The following ARID1B variants were observed in gnomAD, a reference collection of about 807,000 sequenced individuals.
The protein encoded by ARID1B is AT-rich interactive domain-containing protein 1B.
A neutral mutation model predicts 212.3 loss-of-function variants in ARID1B; 30 were observed. That is an observed-to-expected ratio of 0.14 (90% CI 0.11 to 0.19). The LOEUF (loss-of-function observed/expected upper bound fraction) is 0.19. Among genes scored for constraint, ARID1B ranks in the 10% least tolerant of loss-of-function variants. The pLI, the probability that ARID1B is intolerant of heterozygous loss-of-function variation, is 1.00. For synonymous variants in ARID1B, 1,402 were observed against 1,301.7 expected (o/e 1.08, Z -1.66); for missense variants, 2,891 against 3,204.0 (o/e 0.90, Z 2.36).
At chr6:156,985,298 A>G (rs1777854473) in intron 4 of ARID1B, 2 of 152,236 alleles carry the variant, frequency 1.3e-5, no homozygotes, top group African/African-American at 4.8e-5. Context: ...ATGTGATAAT[A>G]TCCGCTGCAT....
chr6:156,967,518 A>G (rs1160625322), intron 4 of ARID1B, among the ~76,000 whole-genome samples: 1 of 151,820 alleles, frequency 6.6e-6, no homozygotes, highest in Non-Finnish European at 1.5e-5. Context: ...GAGTGAGAGA[A>G]GAGGAGGAGG....
intron 4 of ARID1B, among the ~76,000 whole-genome samples, chr6:157,001,978 G>C (rs1423529910): frequency 1.3e-5 from 2 of 152,242 alleles, no homozygotes; most frequent in Admixed American, 1.3e-4. Context: ...AAGGCGTGCA[G>C]TGAATGAAAA....
chr6:157,066,119 A>G (rs1783662293), intron 4 of ARID1B, among the ~76,000 whole-genome samples: 1 of 152,200 alleles, frequency 6.6e-6, no homozygotes, highest in South Asian at 2.1e-4. Context: ...AAACAATCTT[A>G]TTTCTTCACA....
At chr6:156,811,654 G>A (rs1023237919) in intron 1 of ARID1B, among the ~76,000 whole-genome samples, 2 of 152,224 alleles carry the variant, frequency 1.3e-5, no homozygotes, top group African/African-American at 4.8e-5. Context: ...TGTACCAGAA[G>A]CCTGGTCTCT....
intron 5 of ARID1B, among the ~76,000 whole-genome samples, chr6:157,090,902 C>T (rs948369151): frequency 2.0e-5 from 3 of 152,302 alleles, no homozygotes; most frequent in Admixed American, 1.3e-4. Flanking sequence ...CAGCCAGCTG[C>T]GCTTCACCCT....
At chr6:156,865,940 T>G (rs1482472087) in intron 2 of ARID1B, among the ~76,000 whole-genome samples, 1 of 152,220 alleles carries the variant, frequency 6.6e-6, no homozygotes, top group Non-Finnish European at 1.5e-5. Flanking sequence ...TTGCATAGTT[T>G]CCTTGTCGTC....
chr6:157,038,338 A>G (rs561069510), intron 4 of ARID1B, among the ~76,000 whole-genome samples: 4 of 152,070 alleles, frequency 2.6e-5, no homozygotes, highest in Non-Finnish European at 5.9e-5. Flanking sequence ...AAGTTGGATT[A>G]TTTATATATA....
At chr6:156,939,249 A>G (rs1792486841) in intron 4 of ARID1B, 1 of 152,226 alleles carries the variant, frequency 6.6e-6, no homozygotes, top group Non-Finnish European at 1.5e-5. Context: ...CCTAGCATTT[A>G]AGCTAAAGAC....
intron 1 of ARID1B, among the ~76,000 whole-genome samples, chr6:156,813,110 T>G (rs201179369): frequency 3.4e-5 from 2 of 58,970 alleles, no homozygotes; most frequent in South Asian, 1.4e-3. Context: ...ATATATATAT[T>G]TTTTTTTTTT....
intron 4 of ARID1B, among the ~76,000 whole-genome samples, chr6:157,047,242 T>TGCTC (rs1231256087): frequency 6.6e-6 from 1 of 152,240 alleles, no homozygotes; most frequent in African/African-American, 2.4e-5. Flanking sequence ...CTCTGTGAGG[T>TGCTC]ATTAGGTGAT....
At chr6:157,153,840 A>G (rs780493269) in intron 8 of ARID1B, among the ~76,000 whole-genome samples, 1 of 152,146 alleles carries the variant, frequency 6.6e-6, no homozygotes, top group Non-Finnish European at 1.5e-5. Flanking sequence ...GAGTCTCACT[A>G]TGTTGCCCAG....
At chr6:156,993,719 AC>A (rs1175177005) in intron 4 of ARID1B, among the ~76,000 whole-genome samples, 1 of 152,208 alleles carries the variant, frequency 6.6e-6, no homozygotes, top group African/African-American at 2.4e-5. Context: ...CATGGGTAGA[AC>A]CATTGCTCTT....
rs577757778 is a variant in ARID1B, at chr6:156,887,605, G to A, written c.1987-13771G>A. On this transcript the variant is annotated intron_variant, in intron 2 of 19. Transcript: ENST00000636930. ...TTGGCATTTTCTTCTGTTTTCATCA[G>A]CTTAGTTACAAAAATCATTTTGAGG... Among the ~76,000 whole-genome samples the A allele has an allele frequency of 4.3e-4, 66 of 152,050 alleles. 1 individual carries two copies. The highest frequency in any genetic ancestry group is 1.4e-3 in the African/African-American group (58 of 41,452).
chr6:156,990,553 A>G (rs1007954247), intron 4 of ARID1B, among the ~76,000 whole-genome samples: 1 of 152,092 alleles, frequency 6.6e-6, no homozygotes, highest in Non-Finnish European at 1.5e-5. Flanking sequence ...AGGCAGGAGA[A>G]TCACTTGACC....
intron 1 of ARID1B, among the ~76,000 whole-genome samples, chr6:156,782,198 G>A (rs1218425002): frequency 1.3e-5 from 2 of 151,240 alleles, no homozygotes; most frequent in Non-Finnish European, 3.0e-5. Flanking sequence ...TTAAATTACT[G>A]CCTGACTGTA....
chr6:157,002,589 C>A (rs545888162), intron 4 of ARID1B, among the ~76,000 whole-genome samples: 1 of 152,330 alleles, frequency 6.6e-6, no homozygotes, highest in African/African-American at 2.4e-5. Context: ...GGTTGTGATA[C>A]ATTTGTCCTT....
intron 1 of ARID1B, among the ~76,000 whole-genome samples, chr6:156,787,457 T>C (rs888684910): frequency 1.8e-4 from 28 of 152,204 alleles, no homozygotes; most frequent in Non-Finnish European, 4.4e-5. Context: ...CCATATTTCA[T>C]AGCCTTATAT....
intron 11 of ARID1B, chr6:157,175,596 C>G (rs1000349089): frequency 6.6e-6 from 1 of 152,040 alleles, no homozygotes; most frequent in Non-Finnish European, 1.5e-5. Context: ...TAATGTGTAC[C>G]TATGTTAGAA....
chr6:157,161,394 G>A (rs1361241486), intron 8 of ARID1B, among the ~76,000 whole-genome samples: 1 of 148,852 alleles, frequency 6.7e-6, no homozygotes, highest in African/African-American at 2.5e-5. Flanking sequence ...ATTGACCAGG[G>A]CTTGACGGTC....
Sources: allele counts gnomAD v4.1 joint callset (sites outside exome capture counted in the v4.1 genomes callset), GRCh38; gene constraint gnomAD v4.1.1; transcripts MANE v1.5; gene names NCBI Gene and HGNC (gene_info 2026-07-23, HGNC 2026-07-21).